STAU1: variants seen among roughly 807,000 people sequenced by gnomAD.
STAU1 encodes staufen double-stranded RNA binding protein 1.
STAU1 carries 13 observed loss-of-function variants against 62.9 expected under a neutral mutation model. The ratio of observed to expected loss-of-function variants is 0.21; its 90% confidence interval spans 0.13 to 0.33. STAU1 has a LOEUF of 0.33. Ranked by LOEUF, STAU1 falls within the 10% of genes least tolerant of loss-of-function variation. STAU1 has a pLI of 1.00. For synonymous variants in STAU1, 269 were observed against 265.1 expected (o/e 1.01, Z -0.14); for missense variants, 571 against 712.1 (o/e 0.80, Z 2.25).
chr20:49,137,272 C>T (rs2092907032), intron 5 of STAU1, among the ~76,000 whole-genome samples: 1 of 152,112 alleles, frequency 6.6e-6, no homozygotes, highest in Non-Finnish European at 1.5e-5. Context: ...AAATACAAGG[C>T]GCAAACTAAT....
At chr20:49,115,147 G>A (rs1163967522) in intron 13 of STAU1, among the ~76,000 whole-genome samples, 1 of 151,948 alleles carries the variant, frequency 6.6e-6, no homozygotes, top group Non-Finnish European at 1.5e-5. Context: ...GAAACATACA[G>A]GAAAGATACA....
intron 1 of STAU1, among the ~76,000 whole-genome samples, chr20:49,175,798 C>CTTTTTTTT (rs386393906): frequency 1.0e-4 from 11 of 104,820 alleles, no homozygotes; most frequent in African/African-American, 1.4e-4. Flanking sequence ...CTCATAATGC[C>CTTTTTTTT]TTTTTTTTTT....
Position 49,158,937 on chromosome 20 carries a change from A to ACC in STAU1, c.206-4868_206-4867dup, listed in dbSNP as rs11480966. 1.3e-3 allele frequency: 1,667 copies of ACC among 1,273,148 alleles called. 8 individuals carry two copies. The African/African-American group carries it at 0.016, about 12-fold the overall frequency. The allele number at this position is 1,273,148 out of a possible 1,614,324, so 78.9% of individuals were successfully genotyped here. A position where few individuals can be genotyped will look rare whatever the true frequency, so the allele number is the denominator to read the frequency against. On this transcript the variant is annotated intron_variant, in intron 3 of 13. Coordinates refer to ENST00000371856, the MANE Select transcript of STAU1 (RefSeq NM_017453.4). ...TAAATAAATAAATAAATAATCCTTTACCCCCCTTGACACTTCACACATCAG... is the reference window on the plus strand; with the variant it reads ...TAAATAAATAAATAAATAATCCTTTACCCCCCCCTTGACACTTCACACATCAG...
chr20:49,208,011 G>C, the STAU1 span, among the ~76,000 whole-genome samples: 1 of 152,024 alleles, frequency 6.6e-6, no homozygotes, highest in African/African-American at 2.4e-5. Context: ...CTCCCGAGTA[G>C]CTGCGATTAC....
chr20:49,158,552 G>C, intron 3 of STAU1: 1 of 1,275,888 alleles, frequency 7.8e-7, no homozygotes, highest in Non-Finnish European at 1.0e-6. Flanking sequence ...GCTCATGCCT[G>C]TAATCCTAGC....
chr20:49,195,554 AAAAAAAAGAT>A, the STAU1 span, among the ~76,000 whole-genome samples: 8 of 140,884 alleles, frequency 5.7e-5, no homozygotes, highest in East Asian at 4.4e-4. Context: ...AAAAAAAAAA[AAAAAAAAGAT>A]AGCAACAGAC....
Position 49,114,647 on chromosome 20 carries a change from C to T in STAU1, c.*231G>A, listed in dbSNP as rs1317236049. 3 of 501,094 alleles carry T rather than the reference C, an allele frequency of 6.0e-6. No homozygotes were observed. The highest frequency in any genetic ancestry group is 3.6e-5 in the South Asian group (1 of 27,622). 31.0% of individuals were successfully genotyped at this position (501,094 alleles called of 1,614,324 possible). A position where few individuals can be genotyped will look rare whatever the true frequency, so the allele number is the denominator to read the frequency against. ...TCTTCCCCACAGGCAGCTGCTATTG[C>T]GTAGGGACCGCCAGGTCACCGAGTG... On this transcript the variant is annotated 3_prime_UTR_variant, in exon 14 of 14. Coordinates refer to ENST00000371856, the MANE Select transcript of STAU1 (RefSeq NM_017453.4).
chr20:49,198,021 A>G, the STAU1 span, among the ~76,000 whole-genome samples: 4 of 152,168 alleles, frequency 2.6e-5, no homozygotes, highest in African/African-American at 9.6e-5. Context: ...TATCTGGAAT[A>G]TATTAAGAAC....
intron 5 of STAU1, among the ~76,000 whole-genome samples, chr20:49,136,442 T>G (rs1247415910): frequency 6.6e-6 from 1 of 152,210 alleles, no homozygotes; most frequent in Non-Finnish European, 1.5e-5. Context: ...CCTGTCAAGT[T>G]TGAGTCAAAT....
At chr20:49,208,428 C>T in the STAU1 span, among the ~76,000 whole-genome samples, 3 of 152,030 alleles carry the variant, frequency 2.0e-5, no homozygotes, top group South Asian at 6.2e-4. Context: ...GTCTTGAATT[C>T]CTGACCTCAA....
At chr20:49,201,044 CAAAA>C in the STAU1 span, among the ~76,000 whole-genome samples, 14 of 31,508 alleles carry the variant, frequency 4.4e-4, no homozygotes, top group Non-Finnish European at 5.6e-4. Context: ...GACCCACTCT[CAAAA>C]AAAAAAAAAA....
At chr20:49,194,106 T>C in the STAU1 span, among the ~76,000 whole-genome samples, 25 of 151,996 alleles carry the variant, frequency 1.6e-4, no homozygotes, top group African/African-American at 6.0e-4. Context: ...CCAGGGAACA[T>C]ACCAAATTGA....
chr20:49,155,168 G>C (rs1284763092), intron 3 of STAU1, among the ~76,000 whole-genome samples: 1 of 151,998 alleles, frequency 6.6e-6, no homozygotes, highest in South Asian at 2.1e-4. Context: ...AATACAACAT[G>C]ATGTGCAACT....
intron 3 of STAU1, 51 bp from the exon 4 acceptor site, chr20:49,154,122 ACT>A: frequency 1.3e-6 from 2 of 1,534,350 alleles, no homozygotes; most frequent in Non-Finnish European, 1.8e-6. Flanking sequence ...TGAGAATGAT[ACT>A]CACTAAAATA....
At chr20:49,115,002 GC>G (rs2092279054) in intron 13 of STAU1, 109 bp from the exon 14 acceptor site, 4 of 1,172,444 alleles carry the variant, frequency 3.4e-6, no homozygotes, top group Non-Finnish European at 5.0e-6. Flanking sequence ...AATACTAAAA[GC>G]CCCAGTTTAT....
the STAU1 span, among the ~76,000 whole-genome samples, chr20:49,199,146 G>C: frequency 6.6e-6 from 1 of 151,580 alleles, no homozygotes; most frequent in African/African-American, 2.4e-5. Context: ...ACTCCATCTC[G>C]AAACAAAACA....
At chr20:49,122,811 G>A (rs2092495270) in intron 8 of STAU1, among the ~76,000 whole-genome samples, 1 of 152,164 alleles carries the variant, frequency 6.6e-6, no homozygotes, top group African/African-American at 2.4e-5. Flanking sequence ...CAGCTACTCG[G>A]GAGGCTGAGG....
chr20:49,120,586 T>C (rs1647531553), intron 8 of STAU1, among the ~76,000 whole-genome samples: 1 of 152,172 alleles, frequency 6.6e-6, no homozygotes, highest in African/African-American at 2.4e-5. Context: ...TCATAAGCTG[T>C]TTATTGTCTA....
intron 8 of STAU1, among the ~76,000 whole-genome samples, chr20:49,121,646 G>A (rs1242900740): frequency 6.6e-6 from 1 of 151,954 alleles, no homozygotes; most frequent in African/African-American, 2.4e-5. Context: ...CATCCTTTCT[G>A]TCAGTAAAAT....
Sources: gnomAD v4.1 joint callset for allele counts (sites outside exome capture counted in the v4.1 genomes callset) on GRCh38, gnomAD v4.1.1 for gene constraint, MANE v1.5 for transcripts, NCBI Gene and HGNC (gene_info 2026-07-23, HGNC 2026-07-21) for gene names.